The following RANBP2 variants were observed in gnomAD, a reference collection of about 807,000 sequenced individuals.
RANBP2 encodes E3 SUMO-protein ligase RanBP2.
Under a neutral mutation model 303.6 loss-of-function variants are expected in RANBP2, and 57 were observed. The ratio of observed to expected loss-of-function variants is 0.19; its 90% confidence interval spans 0.15 to 0.23. RANBP2 has a LOEUF of 0.23. Among genes scored for constraint, RANBP2 ranks in the 10% least tolerant of loss-of-function variants. The pLI is 1.00. For missense variants in RANBP2, 3,138 were observed against 3,780.8 expected (o/e 0.83, Z 4.46); for synonymous variants, 1,167 against 1,301.5 (o/e 0.90, Z 2.23).
chr2:109,501,588 C>T, the RANBP2 span: 10 of 779,474 alleles, frequency 1.3e-5, no homozygotes, highest in East Asian at 2.4e-5. Context: ...GCACAAGAAG[C>T]GTGAGGACGG....
the RANBP2 span, among the ~76,000 whole-genome samples, chr2:109,632,689 G>A: frequency 7.2e-5 from 11 of 151,894 alleles, no homozygotes; most frequent in South Asian, 2.1e-4. Context: ...GTGTGGTGGC[G>A]GGCGCCTGTA....
the RANBP2 span, among the ~76,000 whole-genome samples, chr2:109,558,571 TAAGATCAGTTAATTAA>T: frequency 6.6e-6 from 1 of 152,194 alleles, no homozygotes. Context: ...TATAAAATGT[TAAGATCAGTTAATTAA>T]ACTATGACTA....
intron 7 of RANBP2, among the ~76,000 whole-genome samples, chr2:108,746,149 C>T (rs118049798): frequency 1.6e-4 from 24 of 151,616 alleles, no homozygotes; most frequent in East Asian, 5.8e-4. Context: ...CTCAAGCGAT[C>T]CCCCCACCTT....
chr2:108,834,542 T>C, the RANBP2 span, among the ~76,000 whole-genome samples: 1 of 152,212 alleles, frequency 6.6e-6, no homozygotes, highest in African/African-American at 2.4e-5. Context: ...ACACTAAGTA[T>C]TGTCAAATAG....
chr2:109,265,149 T>C, the RANBP2 span, among the ~76,000 whole-genome samples: 1 of 151,992 alleles, frequency 6.6e-6, no homozygotes, highest in Non-Finnish European at 1.5e-5. Context: ...TTTTTTTTCC[T>C]TGTTATTTAA....
intron 6 of RANBP2, among the ~76,000 whole-genome samples, chr2:108,737,342 T>G (rs966403737): frequency 1.2e-4 from 15 of 126,712 alleles, no homozygotes; most frequent in African/African-American, 5.8e-4. Context: ...TTTCTTTTTT[T>G]TTTTTTTGTT....
At chr2:108,894,178 A>AGTTT in the RANBP2 span, among the ~76,000 whole-genome samples, 1 of 152,196 alleles carries the variant, frequency 6.6e-6, no homozygotes, top group Admixed American at 6.5e-5. Context: ...AAGACAAGAC[A>AGTTT]GTTTGTTACA....
the RANBP2 span, among the ~76,000 whole-genome samples, chr2:109,696,179 G>T: frequency 2.0e-5 from 3 of 152,116 alleles, no homozygotes; most frequent in Admixed American, 6.5e-5. Context: ...TGGCCTGGCT[G>T]GTCTCAAACT....
the RANBP2 span, among the ~76,000 whole-genome samples, chr2:109,402,244 C>CT: frequency 6.6e-6 from 1 of 152,268 alleles, no homozygotes; most frequent in Admixed American, 6.5e-5. Flanking sequence ...CAGGAAGTGC[C>CT]TGGCCTGAGG....
the RANBP2 span, among the ~76,000 whole-genome samples, chr2:109,076,159 G>T: frequency 4.7e-5 from 7 of 150,136 alleles, no homozygotes; most frequent in Non-Finnish European, 3.0e-5. Flanking sequence ...TCAATGTAAT[G>T]CACCACATTA....
the RANBP2 span, among the ~76,000 whole-genome samples, chr2:109,349,215 T>C: frequency 2.6e-5 from 4 of 152,364 alleles, no homozygotes; most frequent in African/African-American, 9.6e-5. Context: ...ACAGTGTTTT[T>C]GAGCAAAATT....
the RANBP2 span, among the ~76,000 whole-genome samples, chr2:108,799,727 T>C: frequency 2.0e-5 from 3 of 152,176 alleles, no homozygotes; most frequent in African/African-American, 7.2e-5. Context: ...TTTTTCCACT[T>C]TCTTTCTTGT....
At chr2:108,941,678 G>A in the RANBP2 span, among the ~76,000 whole-genome samples, 2 of 152,206 alleles carry the variant, frequency 1.3e-5, no homozygotes, top group African/African-American at 4.8e-5. Flanking sequence ...AAAAGATGGT[G>A]TCTTACAACA....
chr2:109,218,768 C>T, the RANBP2 span, among the ~76,000 whole-genome samples: 6 of 152,192 alleles, frequency 3.9e-5, no homozygotes, highest in African/African-American at 1.2e-4. Context: ...GACTTGGGCT[C>T]TGACTATATT....
chr2:109,474,849 A>G, the RANBP2 span, among the ~76,000 whole-genome samples: 1 of 152,110 alleles, frequency 6.6e-6, no homozygotes, highest in Non-Finnish European at 1.5e-5. Flanking sequence ...CAAAGTCTAC[A>G]CTCACTCATA....
chr2:109,019,313 G>A, the RANBP2 span, among the ~76,000 whole-genome samples: 1 of 152,246 alleles, frequency 6.6e-6, no homozygotes, highest in African/African-American at 2.4e-5. Context: ...TGTGTGTCGG[G>A]TGTGGTGTGC....
At chr2:109,093,505 T>A in the RANBP2 span, among the ~76,000 whole-genome samples, 1 of 152,006 alleles carries the variant, frequency 6.6e-6, no homozygotes, top group Non-Finnish European at 1.5e-5. Flanking sequence ...ATGGGTAAGT[T>A]ATCATATACC....
the RANBP2 span, among the ~76,000 whole-genome samples, chr2:109,381,179 G>T: frequency 1.3e-5 from 2 of 152,242 alleles, no homozygotes; most frequent in African/African-American, 2.4e-5. Context: ...AGGACTGGAA[G>T]TGTGTCAGCC....
At position 108,752,624 on chromosome 2, in the gene RANBP2, AAAAAAAAAAAAAG is replaced by A. The variant is rs1330319149; in HGVS notation, c.1756-367_1756-355del. Among the ~76,000 whole-genome samples the A allele has an allele frequency of 4.7e-3, 669 of 140,878 alleles. 7 individuals carry two copies. The highest frequency in any genetic ancestry group is 0.017 in the African/African-American group (598 of 35,116). 92.4% of individuals were successfully genotyped at this position (140,878 alleles called of 152,430 possible). On this transcript the variant is annotated intron_variant, in intron 12 of 28. Coordinates refer to ENST00000283195, the MANE Select transcript of RANBP2 (RefSeq NM_006267.5). ...CCGTCTCTACTAAAAATACAAAAAAAAAAAAAAAAAAAGAAAAAATTAGCCGGGCGTGGTGGCA... is the reference window on the plus strand; with the variant it reads ...CCGTCTCTACTAAAAATACAAAAAAAAAAAAATTAGCCGGGCGTGGTGGCA...
Sources: gnomAD v4.1 joint callset for allele counts (sites outside exome capture counted in the v4.1 genomes callset) on GRCh38, gnomAD v4.1.1 for gene constraint, MANE v1.5 for transcripts, NCBI Gene and HGNC (gene_info 2026-07-23, HGNC 2026-07-21) for gene names.